TBPL2: variants seen among roughly 807,000 people sequenced by gnomAD.
The protein encoded by TBPL2 is TATA-box binding protein like 2.
Under a neutral mutation model 38.2 loss-of-function variants are expected in TBPL2, and 40 were observed. The ratio of observed to expected loss-of-function variants is 1.05; its 90% CI spans 0.81 to 1.36. The LOEUF (loss-of-function observed/expected upper bound fraction) is 1.36. Among genes scored for constraint, TBPL2 ranks in the 40% most tolerant of loss-of-function variants. The pLI is 0.00. For synonymous variants in TBPL2, 169 were observed against 171.7 expected, an observed-to-expected ratio of 0.98 and a Z score of 0.12; for missense variants, 461 against 456.7, an observed-to-expected ratio of 1.01 and a Z score of -0.09.
chr14:55,432,444 C>CA (rs371752274), intron 4 of TBPL2, among the ~76,000 whole-genome samples: 51 of 147,520 alleles, frequency 3.5e-4, no homozygotes, highest in African/African-American at 6.5e-4. Context: ...AAACAAACAA[C>CA]AAAAAAAACA....
intron 5 of TBPL2, among the ~76,000 whole-genome samples, chr14:55,426,136 G>A (rs570601924): frequency 2.0e-3 from 310 of 151,986 alleles, no homozygotes; most frequent in Non-Finnish European, 3.9e-3. Context: ...GTGTGGTGGT[G>A]GGTGCCTATA....
chr14:55,435,845 A>AC lies in TBPL2; in HGVS notation c.696+1dup. The AC allele has an allele frequency of 6.4e-7, 1 of 1,552,130 alleles. No individual in the cohort carries two copies. Among genetic ancestry groups the AC allele is most frequent in the East Asian group, 2.4e-5 (1 of 42,082 alleles). ...ATTGGAAGGAATACTGAGAAATGTTACCTTTGGGTTATATTCTGCATTTTT... is the reference window on the plus strand; with the variant it reads ...ATTGGAAGGAATACTGAGAAATGTTACCCTTTGGGTTATATTCTGCATTTTT... On this transcript the variant is annotated splice_donor_variant, in intron 3 of 6. Transcript: ENST00000247219. LOFTEE classifies it high-confidence loss of function.
chr14:55,430,456 G>T (rs1391603424), intron 4 of TBPL2, among the ~76,000 whole-genome samples: 1 of 150,770 alleles, frequency 6.6e-6, no homozygotes, highest in South Asian at 2.1e-4. Context: ...ACCCAGGCTG[G>T]AGTGCAGTGG....
exon 7 of TBPL2, chr14:55,414,383 G>C (rs758068701): frequency 1.2e-6 from 2 of 1,600,784 alleles, no homozygotes; most frequent in Admixed American, 3.5e-5. Context: ...ATATGCTCAG[G>C]CTTTTTTAAA....
At chr14:55,422,286 A>G (rs1314587072) in intron 6 of TBPL2, among the ~76,000 whole-genome samples, 1 of 152,154 alleles carries the variant, frequency 6.6e-6, no homozygotes, top group South Asian at 2.1e-4. Flanking sequence ...TGAAATGTAT[A>G]AAAAGACAAA....
At chr14:55,429,082 T>C (rs1885881178) in intron 4 of TBPL2, 108 bp from the exon 5 acceptor site, 6 of 1,371,604 alleles carry the variant, frequency 4.4e-6, no homozygotes, top group South Asian at 1.3e-5. Context: ...TTTCAATGTA[T>C]ACTATGAAGC....
At position 55,433,619 on chromosome 14, in the gene TBPL2, A is replaced by T; in HGVS notation, c.788+11T>A. On this transcript the variant is annotated intron_variant, in intron 4 of 6. Coordinates refer to ENST00000247219, the Ensembl canonical transcript of TBPL2. ...TTTCTCTGGTAGGGGTGGAGGGATG[A>T]TTCCTCATACCTTTTGGCTCCCGTG... 6.2e-7 allele frequency: 1 copy of T among 1,612,254 alleles called. No homozygotes were observed. The highest frequency in any genetic ancestry group is 8.5e-7 in the Non-Finnish European group (1 of 1,178,524).
exon 1 of TBPL2, chr14:55,440,613 G>A: frequency 6.8e-7 from 1 of 1,480,972 alleles, no homozygotes; most frequent in South Asian, 1.3e-5. Context: ...CGCGAGAGAA[G>A]CGTTGGGCGA....
intron 6 of TBPL2, among the ~76,000 whole-genome samples, chr14:55,423,119 G>A (rs1268308002): frequency 2.0e-5 from 3 of 152,118 alleles, no homozygotes. Flanking sequence ...ATTTACAAGA[G>A]ACAAAATGCT....
chr14:55,437,932 T>G (rs713475), intron 1 of TBPL2, among the ~76,000 whole-genome samples: 11,215 of 152,244 alleles, frequency 0.074, 431 homozygotes, highest in Non-Finnish European at 0.088. Context: ...GTAAATCAAT[T>G]TATTTTCAGT....
intron 6 of TBPL2, among the ~76,000 whole-genome samples, chr14:55,414,980 CG>C (rs1566589338): frequency 6.6e-6 from 1 of 152,102 alleles, no homozygotes; most frequent in East Asian, 1.9e-4. Flanking sequence ...TACTGTCACT[CG>C]TAAAGTCTTG....
intron 3 of TBPL2, among the ~76,000 whole-genome samples, chr14:55,434,136 A>G (rs946382448): frequency 1.3e-5 from 2 of 152,212 alleles, no homozygotes; most frequent in African/African-American, 4.8e-5. Context: ...CTTTTGAAGA[A>G]TCTTTTGGGA....
intron 5 of TBPL2, among the ~76,000 whole-genome samples, chr14:55,426,970 G>T (rs1885835187): frequency 6.6e-6 from 1 of 152,158 alleles, no homozygotes; most frequent in South Asian, 2.1e-4. Context: ...GCCCTGAATG[G>T]CCAGAAGGGA....
chr14:55,438,546 A>G (rs1052948521), intron 1 of TBPL2, among the ~76,000 whole-genome samples: 1 of 152,286 alleles, frequency 6.6e-6, no homozygotes. Context: ...AAGCTGCAAC[A>G]GTCAGTGTCT....
At chr14:55,431,685 G>T (rs990417211) in intron 4 of TBPL2, among the ~76,000 whole-genome samples, 1 of 152,146 alleles carries the variant, frequency 6.6e-6, no homozygotes, top group African/African-American at 2.4e-5. Flanking sequence ...AAACAGATTG[G>T]GGGAAATGTA....
At chr14:55,427,246 A>T (rs567511046) in intron 5 of TBPL2, among the ~76,000 whole-genome samples, 6 of 137,792 alleles carry the variant, frequency 4.4e-5, no homozygotes, top group Admixed American at 2.0e-4. Context: ...TCAGATTTTT[A>T]AAAAATGGGG....
At chr14:55,425,372 AAAG>A (rs1196079806) in intron 5 of TBPL2, among the ~76,000 whole-genome samples, 3 of 152,248 alleles carry the variant, frequency 2.0e-5, no homozygotes, top group Non-Finnish European at 2.9e-5. Flanking sequence ...GGAGACACAA[AAAG>A]AAGATTTCCA....
At chr14:55,437,697 TTAATTA>T (rs1226773897) in intron 1 of TBPL2, among the ~76,000 whole-genome samples, 2 of 152,226 alleles carry the variant, frequency 1.3e-5, no homozygotes, top group Non-Finnish European at 2.9e-5. Flanking sequence ...ATTATTTAAG[TTAATTA>T]TAAACTTTAG....
At chr14:55,429,837 C>T (rs1885896743) in intron 4 of TBPL2, among the ~76,000 whole-genome samples, 1 of 150,088 alleles carries the variant, frequency 6.7e-6, no homozygotes, top group African/African-American at 2.5e-5. Context: ...AAAAAAATCG[C>T]ATATAAGGAG....
Sources: allele counts gnomAD v4.1 joint callset (sites outside exome capture counted in the v4.1 genomes callset), GRCh38; gene constraint gnomAD v4.1.1; transcripts MANE v1.5; gene names NCBI Gene and HGNC (gene_info 2026-07-23, HGNC 2026-07-21).